GPC5: variants seen among roughly 807,000 people sequenced by gnomAD.
The protein encoded by GPC5 is glypican 5.
In GPC5, 47 loss-of-function variants were observed where a neutral mutation model predicts 53.9. The observed-to-expected ratio is 0.87, with a 90% CI of 0.69 to 1.11. The LOEUF is 1.11. GPC5 is among the 50% of genes most tolerant of loss of function. The probability of loss-of-function intolerance (pLI) is 0.00; values close to 1 mark genes in which losing one functional copy is unlikely to be tolerated. For missense variants in GPC5, 748 were observed against 713.1 expected, an observed-to-expected ratio of 1.05 and a Z score of -0.56; for synonymous variants, 286 against 263.3, an observed-to-expected ratio of 1.09 and a Z score of -0.84.
chr13:92,131,875 T>A (rs1432268137), intron 6 of GPC5, among the ~76,000 whole-genome samples: 2 of 152,052 alleles, frequency 1.3e-5, no homozygotes, highest in Non-Finnish European at 2.9e-5. Context: ...ATAAGTAGAT[T>A]AATAAAGCAC....
intron 7 of GPC5, among the ~76,000 whole-genome samples, chr13:92,157,963 G>C (rs1301290399): frequency 6.6e-6 from 1 of 152,126 alleles, no homozygotes; most frequent in East Asian, 1.9e-4. Flanking sequence ...AAAATGAACT[G>C]TAAAAAATAC....
intron 7 of GPC5, among the ~76,000 whole-genome samples, chr13:92,226,574 A>G (rs1463802558): frequency 6.6e-6 from 1 of 152,070 alleles, no homozygotes; most frequent in Non-Finnish European, 1.5e-5. Flanking sequence ...AACAGAGCAT[A>G]TGAGAGACTC....
At chr13:91,916,472 A>G (rs1445434235) in intron 6 of GPC5, among the ~76,000 whole-genome samples, 1 of 152,248 alleles carries the variant, frequency 6.6e-6, no homozygotes, top group African/African-American at 2.4e-5. Context: ...GAAGATCAAA[A>G]CAGTGGATAT....
chr13:91,957,429 C>T (rs767076378), intron 6 of GPC5, among the ~76,000 whole-genome samples: 4 of 152,062 alleles, frequency 2.6e-5, no homozygotes, highest in Non-Finnish European at 5.9e-5. Flanking sequence ...CTGAAAATTT[C>T]CCAAATCAGC....
intron 5 of GPC5, among the ~76,000 whole-genome samples, chr13:91,844,478 C>G (rs1292258375): frequency 6.6e-6 from 1 of 152,092 alleles, no homozygotes; most frequent in East Asian, 1.9e-4. Flanking sequence ...TGAATTGCAC[C>G]CGAGTCTTCT....
At chr13:91,519,275 TTTTC>T (rs1470867927) in intron 2 of GPC5, among the ~76,000 whole-genome samples, 1 of 152,202 alleles carries the variant, frequency 6.6e-6, no homozygotes. Context: ...ATCATGACCC[TTTTC>T]TTTCTTTATT....
chr13:91,830,972 TTATATATCCTATTATATATATAATA>T (rs1566291562), intron 5 of GPC5, among the ~76,000 whole-genome samples: 3 of 136,526 alleles, frequency 2.2e-5, no homozygotes, highest in Admixed American at 8.1e-5. Context: ...CTATTATATA[TTATATATCCTATTATATATATAATA>T]TATATATCCT....
intron 2 of GPC5, among the ~76,000 whole-genome samples, chr13:91,631,679 CT>C (rs2034161855): frequency 6.6e-6 from 1 of 151,922 alleles, no homozygotes. Context: ...AGTGAGTGAA[CT>C]GGCAATTAAA....
At chr13:92,252,319 A>G (rs966380714) in intron 7 of GPC5, among the ~76,000 whole-genome samples, 2 of 152,154 alleles carry the variant, frequency 1.3e-5, no homozygotes, top group Non-Finnish European at 2.9e-5. Flanking sequence ...TAGATAAACT[A>G]TAGATAACTC....
intron 7 of GPC5, among the ~76,000 whole-genome samples, chr13:92,528,870 GAAAT>G (rs1881455410): frequency 6.6e-6 from 1 of 151,698 alleles, no homozygotes; most frequent in Non-Finnish European, 1.5e-5. Context: ...CTATTTTCTT[GAAAT>G]AAATAGGCAC....
chr13:92,201,302 G>C (rs1422387997), intron 7 of GPC5, among the ~76,000 whole-genome samples: 1 of 152,196 alleles, frequency 6.6e-6, no homozygotes, highest in Non-Finnish European at 1.5e-5. Context: ...AGTTACAACA[G>C]TGACACTTGG....
At chr13:92,239,815 T>A (rs549382202) in intron 7 of GPC5, 1 of 30,898 alleles carries the variant, frequency 3.2e-5, no homozygotes, top group South Asian at 1.5e-3. Flanking sequence ...TTTATACATA[T>A]TAAAGTATAT....
At chr13:91,860,137 C>A (rs2039010293) in intron 5 of GPC5, among the ~76,000 whole-genome samples, 1 of 152,018 alleles carries the variant, frequency 6.6e-6, no homozygotes, top group Non-Finnish European at 1.5e-5. Context: ...ATTGTCATAC[C>A]ATAGTAGTAT....
intron 7 of GPC5, among the ~76,000 whole-genome samples, chr13:92,595,260 A>G (rs1247379810): frequency 6.6e-6 from 1 of 152,172 alleles, no homozygotes; most frequent in Admixed American, 6.5e-5. Context: ...AGCATACCAA[A>G]TACCTATTCT....
At chr13:92,657,524 C>A (rs574474687) in intron 7 of GPC5, among the ~76,000 whole-genome samples, 3 of 148,360 alleles carry the variant, frequency 2.0e-5, no homozygotes, top group Non-Finnish European at 4.4e-5. Flanking sequence ...ATTAGAGACA[C>A]AACTGGCACG....
chr13:92,363,580 T>C (rs2043585531), intron 7 of GPC5, among the ~76,000 whole-genome samples: 1 of 151,762 alleles, frequency 6.6e-6, no homozygotes, highest in Non-Finnish European at 1.5e-5. Context: ...CAGTGGATAA[T>C]GCTTGCTTGT....
At chr13:91,847,750 G>T (rs376864241) in intron 5 of GPC5, among the ~76,000 whole-genome samples, 6 of 152,294 alleles carry the variant, frequency 3.9e-5, no homozygotes, top group African/African-American at 1.4e-4. Flanking sequence ...TGTATAATCA[G>T]AAATTACATC....
At chr13:91,685,147 C>T (rs1804757969) in intron 2 of GPC5, among the ~76,000 whole-genome samples, 2 of 151,102 alleles carry the variant, frequency 1.3e-5, no homozygotes, top group South Asian at 4.2e-4. Flanking sequence ...AACAAACAAA[C>T]AAAAATTAGC....
intron 7 of GPC5, among the ~76,000 whole-genome samples, chr13:92,294,277 T>C (rs940178596): frequency 1.3e-5 from 2 of 152,206 alleles, no homozygotes; most frequent in Admixed American, 6.5e-5. Context: ...GTACCAATTC[T>C]TCTTTGAATG....
Sources: allele counts gnomAD v4.1 joint callset (sites outside exome capture counted in the v4.1 genomes callset), GRCh38; gene constraint gnomAD v4.1.1; transcripts MANE v1.5; gene names NCBI Gene and HGNC (gene_info 2026-07-23, HGNC 2026-07-21).